The following AMBRA1 variants were observed in gnomAD, a reference collection of about 807,000 sequenced individuals.
AMBRA1 encodes activating molecule in BECN1-regulated autophagy protein 1.
AMBRA1 carries 47 observed loss-of-function variants against 125.4 expected under a neutral mutation model. That is an observed-to-expected ratio of 0.37 (90% CI 0.30 to 0.48). The LOEUF (loss-of-function observed/expected upper bound fraction) is 0.48. AMBRA1 is among the 20% of genes least tolerant of loss of function. AMBRA1 has a pLI of 0.99. For synonymous variants in AMBRA1, 626 were observed against 655.5 expected, an observed-to-expected ratio of 0.95 and a Z score of 0.69; for missense variants, 1,331 against 1,693.4, an observed-to-expected ratio of 0.79 and a Z score of 3.76.
At chr11:46,590,288 C>T (rs2044551197) in intron 1 of AMBRA1, among the ~76,000 whole-genome samples, 1 of 151,436 alleles carries the variant, frequency 6.6e-6, no homozygotes, top group South Asian at 2.1e-4. Context: ...TGCAGTGAGC[C>T]AAGATTGCGC....
intron 17 of AMBRA1, among the ~76,000 whole-genome samples, chr11:46,406,480 C>A (rs971569078): frequency 6.4e-4 from 97 of 151,056 alleles, no homozygotes; most frequent in African/African-American, 2.2e-3. Context: ...AGTTCAAGGC[C>A]AGCAAGGGCA....
At chr11:46,457,607 T>A (rs1201843928) in intron 11 of AMBRA1, among the ~76,000 whole-genome samples, 2 of 152,160 alleles carry the variant, frequency 1.3e-5, no homozygotes, top group African/African-American at 4.8e-5. Flanking sequence ...CGGTTGCTTA[T>A]AAGATGGGCT....
At chr11:46,531,302 T>C (rs1952207292) in intron 7 of AMBRA1, among the ~76,000 whole-genome samples, 1 of 152,206 alleles carries the variant, frequency 6.6e-6, no homozygotes, top group South Asian at 2.1e-4. Context: ...TCTTGACCTT[T>C]ACAAAAAGCT....
intron 14 of AMBRA1, among the ~76,000 whole-genome samples, chr11:46,429,946 G>C (rs541972448): frequency 1.8e-4 from 28 of 152,182 alleles, no homozygotes; most frequent in Admixed American, 4.6e-4. Flanking sequence ...CTGAGTCATA[G>C]AGAGTAGCAT....
At chr11:46,436,492 T>C (rs1423033863) in intron 12 of AMBRA1, among the ~76,000 whole-genome samples, 1 of 152,168 alleles carries the variant, frequency 6.6e-6, no homozygotes, top group Non-Finnish European at 1.5e-5. Flanking sequence ...AAAATAATGA[T>C]ATCCAAATAC....
At chr11:46,469,838 C>CTTT (rs34785738) in intron 11 of AMBRA1, among the ~76,000 whole-genome samples, 3 of 128,314 alleles carry the variant, frequency 2.3e-5, no homozygotes, top group African/African-American at 8.8e-5. Flanking sequence ...CTAACTTAAA[C>CTTT]TTTTTTTTTT....
chr11:46,434,681 T>C (rs1376401698), intron 13 of AMBRA1, among the ~76,000 whole-genome samples, 168 bp downstream of exon 13: 1 of 152,208 alleles, frequency 6.6e-6, no homozygotes, highest in Non-Finnish European at 1.5e-5. Context: ...GCTTCTGCAA[T>C]GTTACTAGCC....
chr11:46,579,550 T>C (rs1321873640), intron 1 of AMBRA1, among the ~76,000 whole-genome samples: 1 of 152,188 alleles, frequency 6.6e-6, no homozygotes, highest in Non-Finnish European at 1.5e-5. Flanking sequence ...ACTCTCACCA[T>C]TTTGCAAATA....
At position 46,512,709 on chromosome 11, in the gene AMBRA1, T is replaced by G. The variant is rs774436853; in HGVS notation, c.2159+18A>C. The G allele has an allele frequency of 1.7e-5, 28 of 1,610,076 alleles. No individual in the cohort carries two copies. The highest frequency in any genetic ancestry group is 2.3e-5 in the Non-Finnish European group (27 of 1,177,744). ...CGCCCCTCCCCCCACCTAGTGCCAT[T>G]TCTCACTTTGGCCTTACCTCGCTGG... On this transcript the variant is annotated intron_variant, in intron 8 of 17. Coordinates refer to ENST00000683756, the MANE Select transcript of AMBRA1 (RefSeq NM_001387011.1).
chr11:46,580,767 G>A (rs2044141436), intron 1 of AMBRA1, among the ~76,000 whole-genome samples: 1 of 152,024 alleles, frequency 6.6e-6, no homozygotes, highest in South Asian at 2.1e-4. Flanking sequence ...TCCCCACAAT[G>A]TACCCACAGT....
Position 46,542,234 on chromosome 11 carries a change from C to G in AMBRA1, c.1783G>C (p.Glu595Gln). 1 of 1,614,080 alleles carries G rather than the reference C, an allele frequency of 6.2e-7. No homozygotes were observed. The highest frequency in any genetic ancestry group is 8.5e-7 in the Non-Finnish European group (1 of 1,180,010). The change falls in exon 7 of 18, where the codon GAG becomes CAG. Residue 595 changes from glutamate to glutamine, a missense_variant. This residue lies in a region of AMBRA1 where 689 missense variants were observed against 776.5 expected (regional missense o/e 0.89). Coordinates refer to ENST00000683756, the MANE Select transcript of AMBRA1 (RefSeq NM_001387011.1). The surrounding 1 kb of genome is among the most constrained non-coding windows in gnomAD (Gnocchi z 5.9). ...GGGACCTGCCAAGAGGAACTAGCCT[C>G]GCCAGAGGAGTAGTTAGGTGTGGTT... Reference protein sequence around the residue: ...ERTTPNYSSGEASSSWQVPSS... With the variant: ...ERTTPNYSSGQASSSWQVPSS...
intron 11 of AMBRA1, among the ~76,000 whole-genome samples, chr11:46,469,298 CATT>C (rs1349007835): frequency 5.9e-5 from 9 of 152,160 alleles, no homozygotes; most frequent in African/African-American, 1.9e-4. Context: ...AAAATGAAAT[CATT>C]GTTTTTATAA....
intron 7 of AMBRA1, among the ~76,000 whole-genome samples, chr11:46,521,466 T>C (rs1405477675): frequency 6.6e-6 from 1 of 152,270 alleles, no homozygotes; most frequent in Non-Finnish European, 1.5e-5. Flanking sequence ...CAAATAAACT[T>C]GAACGCACTG....
chr11:46,419,990 C>T (rs950783298), intron 14 of AMBRA1, among the ~76,000 whole-genome samples: 2 of 1,016 alleles, frequency 2.0e-3, no homozygotes, highest in Admixed American at 0.014. Context: ...AGCACGTGTC[C>T]TCAATACACA....
At chr11:46,492,724 G>GA (rs1248959512) in intron 11 of AMBRA1, among the ~76,000 whole-genome samples, 1 of 152,104 alleles carries the variant, frequency 6.6e-6, no homozygotes, top group Non-Finnish European at 1.5e-5. Context: ...CCTCACAGCC[G>GA]AAAAACATCT....
At chr11:46,420,076 TC>T (rs1328947890) in intron 14 of AMBRA1, among the ~76,000 whole-genome samples, 1 of 147,158 alleles carries the variant, frequency 6.8e-6, no homozygotes, top group African/African-American at 2.5e-5. Context: ...ATGGTACTCT[TC>T]CAGAATGGCC....
intron 1 of AMBRA1, among the ~76,000 whole-genome samples, chr11:46,583,221 G>A (rs971035876): frequency 3.3e-4 from 50 of 152,016 alleles, no homozygotes; most frequent in African/African-American, 1.1e-3. Context: ...TCTGATCTTC[G>A]ACAAACCTGA....
chr11:46,414,583 C>T (rs1194875602), intron 15 of AMBRA1, among the ~76,000 whole-genome samples: 9 of 152,132 alleles, frequency 5.9e-5, no homozygotes, highest in African/African-American at 2.2e-4. Context: ...TTTATGAGGC[C>T]GGAAGTAAGC....
At chr11:46,474,428 G>A (rs568657465) in intron 11 of AMBRA1, among the ~76,000 whole-genome samples, 2 of 151,976 alleles carry the variant, frequency 1.3e-5, no homozygotes, top group Non-Finnish European at 2.9e-5. Flanking sequence ...TTGCTCTGTC[G>A]CCCAGGCTGG....
Sources: gnomAD v4.1 joint callset for allele counts (sites outside exome capture counted in the v4.1 genomes callset) on GRCh38, gnomAD v4.1.1 for gene constraint, gnomAD v4.1.1 regional missense constraint, Gnocchi (gnomAD v3.1) non-coding constraint, MANE v1.5 for transcripts, NCBI Gene and HGNC (gene_info 2026-07-23, HGNC 2026-07-21) for gene names.